Variants in ETV6 observed in about 807,000 individuals in gnomAD.
ETV6 encodes ETS variant transcription factor 6, also known as transcription factor ETV6.
A neutral mutation model predicts 51.1 loss-of-function variants in ETV6; 16 were observed. That is an observed-to-expected ratio of 0.31 (90% CI 0.21 to 0.48). ETV6 has a LOEUF of 0.48. Ranked by LOEUF, ETV6 falls within the 20% of genes least tolerant of loss-of-function variation. ETV6 has a pLI of 0.99. For synonymous variants in ETV6, 240 were observed against 224.1 expected, an observed-to-expected ratio of 1.07 and a Z score of -0.64; for missense variants, 458 against 594.8, an observed-to-expected ratio of 0.77 and a Z score of 2.39.
intron 1 of ETV6, among the ~76,000 whole-genome samples, chr12:11,682,176 C>G (rs1864543150): frequency 6.6e-6 from 1 of 152,174 alleles, no homozygotes; most frequent in African/African-American, 2.4e-5. Context: ...AATTTACACT[C>G]CCACCAACAG....
At chr12:11,679,194 C>T (rs1484957242) in intron 1 of ETV6, among the ~76,000 whole-genome samples, 1 of 152,066 alleles carries the variant, frequency 6.6e-6, no homozygotes, top group Non-Finnish European at 1.5e-5. Flanking sequence ...AAGGAATAAG[C>T]ACTTTAGGGG....
chr12:11,713,857 A>C (rs186228117), intron 1 of ETV6, among the ~76,000 whole-genome samples: 55 of 152,364 alleles, frequency 3.6e-4, no homozygotes, highest in Admixed American at 3.1e-3. Flanking sequence ...CAGTAATGTT[A>C]TAAGGAAGAG....
At chr12:11,725,065 C>G (rs1865463643) in intron 1 of ETV6, among the ~76,000 whole-genome samples, 1 of 152,138 alleles carries the variant, frequency 6.6e-6, no homozygotes, top group Non-Finnish European at 1.5e-5. Flanking sequence ...ACTTCCCCAT[C>G]AGCTTCACCT....
intron 1 of ETV6, among the ~76,000 whole-genome samples, chr12:11,714,649 G>GAAAAAAAAAAAAAAAAAAAAA (rs10709538): frequency 1.1e-5 from 1 of 87,090 alleles, no homozygotes. Context: ...ACCTTGAGGT[G>GAAAAAAAAAAAAAAAAAAAAA]AAAAAAAAAA....
At position 11,650,866 on chromosome 12, in the gene ETV6, C is replaced by G. The variant is rs567414763; in HGVS notation, c.33+706C>G. Among the ~76,000 whole-genome samples, 6 of 152,290 alleles carry G rather than the reference C, an allele frequency of 3.9e-5. No homozygotes were observed. In the East Asian group the frequency reaches 9.6e-4, roughly 24 times the overall value. ...TCCTGTGATGGAGGGAGAGGAAGAA[C>G]TAAGCAACCAGGCAAAATGACCTTC... On this transcript the variant is annotated intron_variant, in intron 1 of 7. Transcript: ENST00000396373.
chr12:11,865,954 T>A (rs2136528786), intron 4 of ETV6, among the ~76,000 whole-genome samples: 1 of 152,208 alleles, frequency 6.6e-6, no homozygotes, highest in East Asian at 1.9e-4. Context: ...CATTATTTTT[T>A]AATTTATTCT....
intron 5 of ETV6, among the ~76,000 whole-genome samples, chr12:11,871,821 G>A (rs1376678777): frequency 2.0e-5 from 3 of 152,116 alleles, no homozygotes; most frequent in Non-Finnish European, 4.4e-5. Flanking sequence ...TGATCTCTCT[G>A]CTTTTACCTG....
chr12:11,721,209 TGGGTGTATATCCAA>T (rs1292185880), intron 1 of ETV6, among the ~76,000 whole-genome samples: 2 of 152,202 alleles, frequency 1.3e-5, no homozygotes, highest in Non-Finnish European at 2.9e-5. Context: ...ATCTCATTAC[TGGGTGTATATCCAA>T]AGGAAACTAG....
At chr12:11,877,562 T>TTTCTC (rs912697739) in intron 5 of ETV6, among the ~76,000 whole-genome samples, 1 of 152,024 alleles carries the variant, frequency 6.6e-6, no homozygotes, top group African/African-American at 2.4e-5. Context: ...ATTCCAGTGT[T>TTTCTC]TTAGTACCAG....
chr12:11,689,775 G>A (rs1378463825), intron 1 of ETV6, among the ~76,000 whole-genome samples: 4 of 142,102 alleles, frequency 2.8e-5, no homozygotes, highest in African/African-American at 7.8e-5. Flanking sequence ...AGATTCTTCA[G>A]AATCATTTGT....
At chr12:11,779,003 A>G (rs192664274) in intron 2 of ETV6, among the ~76,000 whole-genome samples, 1 of 152,336 alleles carries the variant, frequency 6.6e-6, no homozygotes, top group East Asian at 1.9e-4. Context: ...CATTGTAAGT[A>G]GATACTAGCG....
chr12:11,706,500 T>C (rs535323230), intron 1 of ETV6, among the ~76,000 whole-genome samples: 113 of 152,322 alleles, frequency 7.4e-4, no homozygotes, highest in African/African-American at 2.6e-3. Context: ...CTGCTGTCTG[T>C]TTTTCATAGG....
chr12:11,853,321 C>T (rs1261185752), intron 3 of ETV6, 106 bp from the exon 4 acceptor site: 2 of 1,366,688 alleles, frequency 1.5e-6, no homozygotes, highest in Non-Finnish European at 2.0e-6. Context: ...AGGTGCGCTC[C>T]AATTGTATCT....
chr12:11,718,881 A>G lies in ETV6; in HGVS notation c.34-33569A>G, dbSNP rs547072045. ...GGGCTGCCAGACTTGCAGAACAATC[A>G]CTGTGAGGGCTGATGGCAGATCCCT... On this transcript the variant is annotated intron_variant, in intron 1 of 7. Coordinates refer to ENST00000396373, the MANE Select transcript of ETV6 (RefSeq NM_001987.5). Among the ~76,000 whole-genome samples the G allele has an allele frequency of 3.3e-5, 5 of 152,334 alleles. No homozygotes were observed. The South Asian group carries it at 6.2e-4, about 19-fold the overall frequency.
chr12:11,661,799 C>A (rs1864105201), intron 1 of ETV6, among the ~76,000 whole-genome samples: 1 of 152,186 alleles, frequency 6.6e-6, no homozygotes, highest in African/African-American at 2.4e-5. Flanking sequence ...TTGTGTTCTG[C>A]CTCTTTGCAT....
At chr12:11,752,740 T>A in intron 2 of ETV6, 161 bp downstream of exon 2, 1 of 724,606 alleles carries the variant, frequency 1.4e-6, no homozygotes, top group Non-Finnish European at 2.1e-6. Context: ...CCCAGATACC[T>A]TTGAAAAATT....
At chr12:11,768,795 C>T (rs967435619) in intron 2 of ETV6, 4 of 382,082 alleles carry the variant, frequency 1.0e-5, no homozygotes, top group African/African-American at 8.4e-5. Context: ...ACCCCACTGG[C>T]CAGCTCTGTC....
Position 11,803,516 on chromosome 12 carries a change from G to A in ETV6, c.164-35624G>A, listed in dbSNP as rs993192589. 4.6e-5 allele frequency among the ~76,000 whole-genome samples: 7 copies of A among 152,162 alleles called. No homozygotes were observed. The East Asian group carries it at 9.6e-4, about 21-fold the overall frequency. On this transcript the variant is annotated intron_variant, in intron 2 of 7. Coordinates refer to ENST00000396373, the MANE Select transcript of ETV6 (RefSeq NM_001987.5). Reference sequence around the variant, plus strand: ...GTATTTGTAAGAATAAGCTGTCCTCGTGATTGAGTATTGATCTTCAAAATG... The same window carrying A: ...GTATTTGTAAGAATAAGCTGTCCTCATGATTGAGTATTGATCTTCAAAATG...
At chr12:11,796,201 G>A (rs568607361) in intron 2 of ETV6, among the ~76,000 whole-genome samples, 1 of 152,124 alleles carries the variant, frequency 6.6e-6, no homozygotes, top group East Asian at 1.9e-4. Context: ...TGAGTCTTAA[G>A]TGAAAAGGAC....
Sources: gnomAD v4.1 joint callset for allele counts (sites outside exome capture counted in the v4.1 genomes callset) on GRCh38, gnomAD v4.1.1 for gene constraint, MANE v1.5 for transcripts, NCBI Gene and HGNC (gene_info 2026-07-23, HGNC 2026-07-21) for gene names.